The following ACMSD variants were observed in gnomAD, a reference collection of about 807,000 sequenced individuals.
ACMSD encodes aminocarboxymuconate semialdehyde decarboxylase.
ACMSD carries 37 observed loss-of-function variants against 45.9 expected under a neutral mutation model. The ratio of observed to expected loss-of-function variants is 0.81; its 90% confidence interval spans 0.62 to 1.06. The LOEUF is 1.06. Ranked by LOEUF, ACMSD falls within the 50% of genes least tolerant of loss-of-function variation. ACMSD has a pLI of 0.00. For missense variants in ACMSD, 434 were observed against 420.9 expected (o/e 1.03, Z -0.27); for synonymous variants, 138 against 148.8 (o/e 0.93, Z 0.53).
chr2:134,899,060 A>G (rs1318323887), intron 9 of ACMSD, among the ~76,000 whole-genome samples: 1 of 152,088 alleles, frequency 6.6e-6, no homozygotes, highest in Non-Finnish European at 1.5e-5. Flanking sequence ...AGTTCTTCCT[A>G]AGACCTTCAC....
At chr2:134,868,451 CTTTTT>C (rs1170969126) in intron 6 of ACMSD, among the ~76,000 whole-genome samples, 2 of 124,204 alleles carry the variant, frequency 1.6e-5, no homozygotes, top group Non-Finnish European at 1.6e-5. Context: ...ATATTTTTTT[CTTTTT>C]TTTTTTTTTT....
At chr2:134,848,720 T>C (rs1687195824) in intron 2 of ACMSD, among the ~76,000 whole-genome samples, 1 of 152,208 alleles carries the variant, frequency 6.6e-6, no homozygotes, top group Non-Finnish European at 1.5e-5. Context: ...TCCCATTCTG[T>C]GGGTTGCTGT....
At chr2:134,899,906 TTG>T (rs902133696) in intron 9 of ACMSD, among the ~76,000 whole-genome samples, 8 of 152,146 alleles carry the variant, frequency 5.3e-5, no homozygotes, top group Non-Finnish European at 8.8e-5. Flanking sequence ...AATACCTCTT[TTG>T]TGAAAAAGAA....
At chr2:134,849,006 A>G (rs1370933044) in intron 2 of ACMSD, among the ~76,000 whole-genome samples, 1 of 152,166 alleles carries the variant, frequency 6.6e-6, no homozygotes, top group African/African-American at 2.4e-5. Flanking sequence ...CTGATGCTCT[A>G]AGCTGGCCTC....
At position 134,838,617 on chromosome 2, in the gene ACMSD, C is replaced by T. The variant is rs961960842; in HGVS notation, c.-66C>T. 3 of 1,407,570 alleles carry T rather than the reference C, an allele frequency of 2.1e-6. No homozygotes were observed. In the East Asian group the frequency reaches 6.9e-5, roughly 32 times the overall value. 87.2% of individuals were successfully genotyped at this position (1,407,570 alleles called of 1,614,324 possible). A position where few individuals can be genotyped will look rare whatever the true frequency, so the allele number is the denominator to read the frequency against. ...GGACTAAGTAAATCAATTAACTCCACAGTTTTCACAAAGGTCTCTTGATAT... is the reference window on the plus strand; with the variant it reads ...GGACTAAGTAAATCAATTAACTCCATAGTTTTCACAAAGGTCTCTTGATAT... On this transcript the variant is annotated 5_prime_UTR_variant, in exon 1 of 10. Coordinates refer to ENST00000356140, the MANE Select transcript of ACMSD (RefSeq NM_138326.3).
rs529060575 is a variant in ACMSD at position 134,859,245 on chromosome 2, G to A, written c.103-16G>A. The A allele has an allele frequency of 6.2e-7, 1 of 1,612,248 alleles. No individual in the cohort carries two copies. Among genetic ancestry groups the A allele is most frequent in the Admixed American group, 1.7e-5 (1 of 59,986 alleles). ...GTCTTAGGTTGCATTTTAGTAATGT[G>A]GGTTTTCTGCCCCAGGGAGAAGCAA... is the stretch of plus-strand genomic sequence containing the variant. On this transcript the variant is annotated splice_polypyrimidine_tract_variant and intron_variant, in intron 2 of 9. Coordinates refer to ENST00000356140, the MANE Select transcript of ACMSD (RefSeq NM_138326.3).
At chr2:134,869,236 C>T (rs1015281564) in intron 6 of ACMSD, among the ~76,000 whole-genome samples, 5 of 141,492 alleles carry the variant, frequency 3.5e-5, no homozygotes, top group Non-Finnish European at 4.6e-5. Flanking sequence ...ATTTAGAGAC[C>T]GAGTCTCACT....
intron 8 of ACMSD, among the ~76,000 whole-genome samples, chr2:134,875,273 T>C (rs2104896156): frequency 6.6e-6 from 1 of 152,322 alleles, no homozygotes; most frequent in East Asian, 1.9e-4. Flanking sequence ...ATTACAGGCA[T>C]GAGTCACCAT....
chr2:134,845,845 G>C (rs1687030170), intron 2 of ACMSD, among the ~76,000 whole-genome samples: 1 of 152,178 alleles, frequency 6.6e-6, no homozygotes. Flanking sequence ...TCTGCCCAGG[G>C]CATGGGTCTG....
chr2:134,859,210 A>G (rs768969011), intron 2 of ACMSD, 51 bp from the exon 3 acceptor site: 5 of 1,427,590 alleles, frequency 3.5e-6, no homozygotes, highest in Non-Finnish European at 4.0e-6. Context: ...AGGAAAGATT[A>G]GTCCAAGTGG....
At chr2:134,849,720 G>C (rs1420209329) in intron 2 of ACMSD, among the ~76,000 whole-genome samples, 23 of 152,200 alleles carry the variant, frequency 1.5e-4, no homozygotes, top group Admixed American at 1.5e-3. Context: ...TTGCTCAGAA[G>C]TGAAAAACAT....
chr2:134,898,163 G>A (rs1237437165), intron 8 of ACMSD, among the ~76,000 whole-genome samples, 178 bp from the exon 9 acceptor site: 2 of 151,608 alleles, frequency 1.3e-5, no homozygotes, highest in Non-Finnish European at 1.5e-5. Flanking sequence ...AAAAAAGTCA[G>A]AATAAAATTT....
At chr2:134,848,179 T>A (rs1687171017) in intron 2 of ACMSD, among the ~76,000 whole-genome samples, 1 of 152,242 alleles carries the variant, frequency 6.6e-6, no homozygotes. Flanking sequence ...CAGTCTATCA[T>A]CGATGGGCAT....
intron 6 of ACMSD, among the ~76,000 whole-genome samples, chr2:134,870,395 C>A (rs771489716): frequency 7.9e-5 from 12 of 152,136 alleles, no homozygotes; most frequent in Non-Finnish European, 1.8e-4. Context: ...TGCTGTCTGC[C>A]AATCCTCAAA....
At chr2:134,842,454 C>T (rs986740311) in intron 1 of ACMSD, among the ~76,000 whole-genome samples, 1 of 152,060 alleles carries the variant, frequency 6.6e-6, no homozygotes, top group Non-Finnish European at 1.5e-5. Context: ...ATAAGACTGT[C>T]GCCACAACTG....
intron 5 of ACMSD, 105 bp downstream of exon 5, chr2:134,863,736 G>C: frequency 1.7e-6 from 2 of 1,158,194 alleles, no homozygotes. Context: ...CACTGGGAGG[G>C]GAGAGCGGTG....
At chr2:134,847,918 C>T (rs1211603224) in intron 2 of ACMSD, among the ~76,000 whole-genome samples, 3 of 151,428 alleles carry the variant, frequency 2.0e-5, no homozygotes, top group Non-Finnish European at 4.4e-5. Flanking sequence ...ATGGCACAAT[C>T]CTGGCTCACC....
intron 7 of ACMSD, among the ~76,000 whole-genome samples, 178 bp downstream of exon 7, chr2:134,871,238 C>T (rs1024683671): frequency 1.3e-5 from 2 of 152,184 alleles, no homozygotes; most frequent in African/African-American, 4.8e-5. Flanking sequence ...CACATGGCCA[C>T]CTTCCTCACA....
chr2:134,853,513 G>C (rs974819922), intron 2 of ACMSD, among the ~76,000 whole-genome samples: 1 of 152,098 alleles, frequency 6.6e-6, no homozygotes, highest in African/African-American at 2.4e-5. Context: ...CCCATTACTT[G>C]GTTATTAGTT....
Sources: gnomAD v4.1 joint callset for allele counts (sites outside exome capture counted in the v4.1 genomes callset) on GRCh38, gnomAD v4.1.1 for gene constraint, MANE v1.5 for transcripts, NCBI Gene and HGNC (gene_info 2026-07-23, HGNC 2026-07-21) for gene names.